The following RNGTT variants were observed in gnomAD, a reference collection of about 807,000 sequenced individuals.
The protein encoded by RNGTT is RNA guanylyltransferase and 5'-phosphatase.
A neutral mutation model predicts 79.3 loss-of-function variants in RNGTT; 33 were observed. The ratio of observed to expected loss-of-function variants is 0.42; its 90% CI spans 0.32 to 0.56. RNGTT has a LOEUF of 0.56. Among genes scored for constraint, RNGTT ranks in the 20% least tolerant of loss-of-function variants. The pLI is 0.17. For missense variants in RNGTT, 497 were observed against 739.1 expected (o/e 0.67, Z 3.80); for synonymous variants, 222 against 235.9 (o/e 0.94, Z 0.54).
At chr6:88,703,849 AG>A (rs1490661423) in intron 13 of RNGTT, among the ~76,000 whole-genome samples, 1 of 152,186 alleles carries the variant, frequency 6.6e-6, no homozygotes, top group African/African-American at 2.4e-5. Flanking sequence ...GTTTCAAGGA[AG>A]GATATACCAG....
chr6:88,611,162 C>T lies in RNGTT; in HGVS notation c.*1557G>A, dbSNP rs1221777368. ...AGAAAAAAGCCCAAGCTTGACTCAACTATTTCATATAGAAAAGCACTGCAG... is the reference window on the plus strand; with the variant it reads ...AGAAAAAAGCCCAAGCTTGACTCAATTATTTCATATAGAAAAGCACTGCAG... On this transcript the variant is annotated 3_prime_UTR_variant, in exon 16 of 16. Transcript: ENST00000369485. The T allele has an allele frequency of 2.0e-5, 3 of 152,506 alleles. No individual in the cohort carries two copies. The highest frequency in any genetic ancestry group is 3.9e-4 in the East Asian group (2 of 5,188). 9.4% of individuals were successfully genotyped at this position (152,506 alleles called of 1,614,324 possible).
intron 13 of RNGTT, among the ~76,000 whole-genome samples, chr6:88,739,062 A>T (rs905400512): frequency 6.6e-6 from 1 of 152,102 alleles, no homozygotes; most frequent in Non-Finnish European, 1.5e-5. Context: ...TAAAGAAGAT[A>T]AAAAAACTTT....
intron 11 of RNGTT, among the ~76,000 whole-genome samples, chr6:88,835,243 G>C (rs897492201): frequency 1.3e-5 from 2 of 152,012 alleles, no homozygotes; most frequent in African/African-American, 4.8e-5. Context: ...TGGGGGAAAG[G>C]GGACAGGGAC....
At position 88,697,915 on chromosome 6, in the gene RNGTT, A is replaced by C. The variant is rs1184697051; in HGVS notation, c.1440-19496T>G. Among the ~76,000 whole-genome samples the C allele has an allele frequency of 3.6e-5, 3 of 84,450 alleles. 1 individual carries two copies. The African/African-American group carries it at 4.9e-4, about 14-fold the overall frequency. The allele number at this position is 84,450 out of a possible 152,430, so 55.4% of individuals were successfully genotyped here. A position where few individuals can be genotyped will look rare whatever the true frequency, so the allele number is the denominator to read the frequency against. On this transcript the variant is annotated intron_variant, in intron 13 of 15. Coordinates refer to ENST00000369485, the MANE Select transcript of RNGTT (RefSeq NM_003800.5). ...ATATATATATATGATATATATATGAAATACATATATATGATATATATATGA... is the reference window on the plus strand; with the variant it reads ...ATATATATATATGATATATATATGACATACATATATATGATATATATATGA...
chr6:88,741,483 T>C lies in RNGTT; in HGVS notation c.1439+28291A>G, dbSNP rs532104819. ...AGGGATGCAAAACTGTTGAGTACTA[T>C]GCTCAGTACCTGGGTGACAAGATCA... On this transcript the variant is annotated intron_variant, in intron 13 of 15. Transcript: ENST00000369485. 4.1e-4 allele frequency among the ~76,000 whole-genome samples: 63 copies of C among 152,234 alleles called. 2 individuals carry two copies. Among genetic ancestry groups the C allele is most frequent in the South Asian group, 4.1e-4 (2 of 4,820 alleles).
intron 13 of RNGTT, among the ~76,000 whole-genome samples, chr6:88,706,520 TA>T (rs1479593002): frequency 6.6e-6 from 1 of 152,032 alleles, no homozygotes; most frequent in African/African-American, 2.4e-5. Context: ...ATAGGCACAT[TA>T]ATATGATTCT....
At chr6:88,717,650 AC>A (rs1275897651) in intron 13 of RNGTT, among the ~76,000 whole-genome samples, 7 of 152,150 alleles carry the variant, frequency 4.6e-5, no homozygotes, top group Admixed American at 1.3e-4. Flanking sequence ...TACTGGAGAC[AC>A]CAGCAACGCA....
intron 5 of RNGTT, among the ~76,000 whole-genome samples, chr6:88,905,309 T>G (rs1486816518): frequency 6.6e-6 from 1 of 152,202 alleles, no homozygotes; most frequent in Non-Finnish European, 1.5e-5. Context: ...AAAAGCATAT[T>G]GATTTTACAG....
chr6:88,726,389 CAAAAAAAAA>C (rs61210098), intron 13 of RNGTT, among the ~76,000 whole-genome samples: 1 of 99,540 alleles, frequency 1.0e-5, no homozygotes, highest in African/African-American at 4.6e-5. Flanking sequence ...ATCCTAAGTC[CAAAAAAAAA>C]AAAAAAAAAG....
intron 14 of RNGTT, among the ~76,000 whole-genome samples, chr6:88,672,549 C>G (rs1774694175): frequency 6.6e-6 from 1 of 152,002 alleles, no homozygotes; most frequent in South Asian, 2.1e-4. Flanking sequence ...TCTGGGGACT[C>G]AGGGGGAAGT....
chr6:88,960,087 AC>A (rs1260165302), intron 1 of RNGTT, among the ~76,000 whole-genome samples: 1 of 152,188 alleles, frequency 6.6e-6, no homozygotes, highest in African/African-American at 2.4e-5. Flanking sequence ...TAGGTTTATT[AC>A]CTCTGATTCC....
chr6:88,621,143 T>G (rs1772429067), intron 14 of RNGTT, among the ~76,000 whole-genome samples: 1 of 152,322 alleles, frequency 6.6e-6, no homozygotes, highest in African/African-American at 2.4e-5. Flanking sequence ...TAAGTCCTTT[T>G]CATTCATCCT....
chr6:88,739,773 ATATATG>A (rs60264847), intron 13 of RNGTT, among the ~76,000 whole-genome samples: 70 of 84,850 alleles, frequency 8.2e-4, no homozygotes, highest in Middle Eastern at 7.5e-3. Context: ...ATATATATAT[ATATATG>A]TTAACACATG....
At chr6:88,887,321 A>G (rs1399720110) in intron 8 of RNGTT, among the ~76,000 whole-genome samples, 1 of 152,194 alleles carries the variant, frequency 6.6e-6, no homozygotes, top group Non-Finnish European at 1.5e-5. Flanking sequence ...ACTCATAGCT[A>G]TTAATCAGTT....
intron 8 of RNGTT, among the ~76,000 whole-genome samples, chr6:88,865,311 T>C (rs1782132623): frequency 6.6e-6 from 1 of 152,032 alleles, no homozygotes; most frequent in Non-Finnish European, 1.5e-5. Context: ...CTAGTACTAC[T>C]TTACACAATC....
intron 6 of RNGTT, among the ~76,000 whole-genome samples, chr6:88,902,852 C>T (rs1185676651): frequency 8.6e-5 from 13 of 151,910 alleles, no homozygotes; most frequent in African/African-American, 2.7e-4. Flanking sequence ...CCCGCCACCA[C>T]GCCCAGCTAA....
chr6:88,906,011 G>A (rs1018538854), intron 5 of RNGTT, among the ~76,000 whole-genome samples: 13 of 152,110 alleles, frequency 8.5e-5, no homozygotes, highest in African/African-American at 2.9e-4. Context: ...CCAGGCATGG[G>A]TGGCACATAC....
At chr6:88,943,229 T>C (rs1784905443) in intron 1 of RNGTT, among the ~76,000 whole-genome samples, 2 of 152,186 alleles carry the variant, frequency 1.3e-5, no homozygotes, top group South Asian at 2.1e-4. Flanking sequence ...AGATTTGATA[T>C]CCAAATCTCA....
chr6:88,648,675 G>A lies in RNGTT; in HGVS notation c.1506+29678C>T, dbSNP rs117465241. ...CAGAGGCAGAGAAAGATAAAAACAC[G>A]CATGCATGCATTCACTCACAACCTA... On this transcript the variant is annotated intron_variant, in intron 14 of 15. Transcript: ENST00000369485. Among the ~76,000 whole-genome samples the A allele has an allele frequency of 3.9e-3, 592 of 152,030 alleles. 6 individuals carry two copies. Among genetic ancestry groups the A allele is most frequent in the African/African-American group, 7.3e-3 (303 of 41,450 alleles).
Sources: gnomAD v4.1 joint callset for allele counts (sites outside exome capture counted in the v4.1 genomes callset) on GRCh38, gnomAD v4.1.1 for gene constraint, MANE v1.5 for transcripts, NCBI Gene and HGNC (gene_info 2026-07-23, HGNC 2026-07-21) for gene names.